Variants in ASAP1 observed in about 807,000 individuals in gnomAD.
The protein encoded by ASAP1 is arf-GAP with SH3 domain, ANK repeat and PH domain-containing protein 1.
A neutral mutation model predicts 145.2 loss-of-function variants in ASAP1; 43 were observed. That is an observed-to-expected ratio of 0.30 (90% confidence interval 0.23 to 0.38). ASAP1 has a LOEUF of 0.38. Ranked by LOEUF, ASAP1 falls within the 10% of genes least tolerant of loss-of-function variation. The pLI, the probability that ASAP1 is intolerant of heterozygous loss-of-function variation, is 1.00. For missense variants in ASAP1, 1,018 were observed against 1,355.3 expected (o/e 0.75, Z 3.91); for synonymous variants, 546 against 515.5 (o/e 1.06, Z -0.80).
intron 9 of ASAP1, among the ~76,000 whole-genome samples, chr8:130,176,368 GA>G (rs1237414610): frequency 6.6e-6 from 1 of 152,180 alleles, no homozygotes; most frequent in Non-Finnish European, 1.5e-5. Context: ...GACAGAAGTA[GA>G]AAAGAATAAA....
intron 27 of ASAP1, among the ~76,000 whole-genome samples, chr8:130,072,824 T>TGTGTGTGTGTGTGTGTGTGTGTGCAC: frequency 3.1e-5 from 1 of 32,282 alleles, no homozygotes; most frequent in Non-Finnish European, 5.7e-5. Flanking sequence ...TGTGTGTGTG[T>TGTGTGTGTGTGTGTGTGTGTGTGCAC]GCGCGCGGGG....
chr8:130,259,091 G>A (rs940960607), intron 3 of ASAP1, among the ~76,000 whole-genome samples: 2 of 151,976 alleles, frequency 1.3e-5, no homozygotes, highest in Admixed American at 6.6e-5. Flanking sequence ...CACAGAGTAC[G>A]GTTCACAAAA....
intron 3 of ASAP1, among the ~76,000 whole-genome samples, chr8:130,271,054 C>T (rs1230990034): frequency 2.0e-5 from 3 of 152,206 alleles, no homozygotes; most frequent in Admixed American, 1.3e-4. Flanking sequence ...CTCCTGGTCC[C>T]CAAGGATGGC....
chr8:130,351,147 G>C (rs1415753054), intron 3 of ASAP1, among the ~76,000 whole-genome samples: 1 of 152,180 alleles, frequency 6.6e-6, no homozygotes, highest in Non-Finnish European at 1.5e-5. Context: ...AAACCAAATA[G>C]AGGTAAAAAG....
chr8:130,139,572 T>C (rs1037554562), intron 13 of ASAP1, among the ~76,000 whole-genome samples: 1 of 151,544 alleles, frequency 6.6e-6, no homozygotes, highest in Non-Finnish European at 1.5e-5. Context: ...CTACTGAAAA[T>C]ACAAAACTTA....
chr8:130,415,136 T>C (rs1829422337), intron 1 of ASAP1, among the ~76,000 whole-genome samples: 1 of 152,220 alleles, frequency 6.6e-6, no homozygotes. Flanking sequence ...TTAACAGAAT[T>C]AGATAAAAAC....
At chr8:130,236,295 C>T (rs1468445735) in intron 4 of ASAP1, among the ~76,000 whole-genome samples, 3 of 151,942 alleles carry the variant, frequency 2.0e-5, no homozygotes, top group African/African-American at 4.8e-5. Flanking sequence ...AGTGCTGGAG[C>T]CTACCATTTT....
intron 9 of ASAP1, among the ~76,000 whole-genome samples, chr8:130,171,065 G>T (rs1291768489): frequency 6.6e-6 from 1 of 152,130 alleles, no homozygotes; most frequent in Non-Finnish European, 1.5e-5. Context: ...CTATAGCGAT[G>T]CAAGTAAAAC....
chr8:130,243,565 CT>C (rs906376102), intron 3 of ASAP1, among the ~76,000 whole-genome samples: 1 of 152,168 alleles, frequency 6.6e-6, no homozygotes, highest in Admixed American at 6.6e-5. Context: ...CCTCTCCCCT[CT>C]GTTCCCACAC....
intron 3 of ASAP1, among the ~76,000 whole-genome samples, chr8:130,316,870 T>C (rs959202304): frequency 6.6e-6 from 1 of 152,242 alleles, no homozygotes; most frequent in Non-Finnish European, 1.5e-5. Flanking sequence ...AAATAATTAA[T>C]ACTGGCCAAA....
At chr8:130,351,162 T>C (rs528887132) in intron 3 of ASAP1, among the ~76,000 whole-genome samples, 1 of 152,288 alleles carries the variant, frequency 6.6e-6, no homozygotes, top group African/African-American at 2.4e-5. Flanking sequence ...AAAAAGATAA[T>C]TAATAGATGC....
intron 2 of ASAP1, among the ~76,000 whole-genome samples, chr8:130,370,877 T>A (rs1264860488): frequency 1.3e-5 from 2 of 152,204 alleles, no homozygotes; most frequent in Non-Finnish European, 2.9e-5. Context: ...TTAGTGGTTA[T>A]CAGGGGCTGT....
chr8:130,320,487 G>A (rs1823933556), intron 3 of ASAP1, among the ~76,000 whole-genome samples: 1 of 152,046 alleles, frequency 6.6e-6, no homozygotes, highest in Admixed American at 6.6e-5. Context: ...CCCGGGAGGT[G>A]GAGGTTGCAG....
chr8:130,164,718 C>A (rs1301434845), intron 11 of ASAP1, among the ~76,000 whole-genome samples: 1 of 151,990 alleles, frequency 6.6e-6, no homozygotes, highest in Non-Finnish European at 1.5e-5. Flanking sequence ...ACAATAAAAA[C>A]TTAATAGAAA....
At chr8:130,166,926 T>G (rs1467706783) in intron 11 of ASAP1, among the ~76,000 whole-genome samples, 2 of 152,134 alleles carry the variant, frequency 1.3e-5, no homozygotes, top group African/African-American at 4.8e-5. Context: ...AAGACAGAAG[T>G]GGTCTAAAGA....
chr8:130,338,087 G>T (rs867522224), intron 3 of ASAP1, among the ~76,000 whole-genome samples: 1 of 152,162 alleles, frequency 6.6e-6, no homozygotes, highest in Non-Finnish European at 1.5e-5. Context: ...GGCACTGGGG[G>T]ATAAGACGAC....
chr8:130,187,065 A>C (rs1814782754), intron 7 of ASAP1, among the ~76,000 whole-genome samples, 171 bp downstream of exon 7: 1 of 152,200 alleles, frequency 6.6e-6, no homozygotes, highest in African/African-American at 2.4e-5. Context: ...CAGTGTACCC[A>C]ACCTCTTAGC....
At chr8:130,313,840 C>T (rs765229351) in intron 3 of ASAP1, among the ~76,000 whole-genome samples, 1 of 152,008 alleles carries the variant, frequency 6.6e-6, no homozygotes, top group African/African-American at 2.4e-5. Context: ...GAATGAATCC[C>T]CCAGTGTAAA....
At chr8:130,347,609 C>A (rs1825772709) in intron 3 of ASAP1, among the ~76,000 whole-genome samples, 1 of 152,168 alleles carries the variant, frequency 6.6e-6, no homozygotes, top group East Asian at 1.9e-4. Context: ...CCACCATCAC[C>A]CCCAGGCTGA....
Sources: allele counts gnomAD v4.1 joint callset (sites outside exome capture counted in the v4.1 genomes callset), GRCh38; gene constraint gnomAD v4.1.1; transcripts MANE v1.5; gene names NCBI Gene and HGNC (gene_info 2026-07-23, HGNC 2026-07-21).